The following TENM2 variants were observed in gnomAD, a reference collection of about 807,000 sequenced individuals.
The protein encoded by TENM2 is teneurin transmembrane protein 2.
In TENM2, 52 loss-of-function variants were observed where a neutral mutation model predicts 245.2. The observed-to-expected ratio is 0.21, with a 90% CI of 0.17 to 0.27. TENM2 has a LOEUF of 0.27. Ranked by LOEUF, TENM2 falls within the 10% of genes least tolerant of loss-of-function variation. TENM2 has a pLI of 1.00. For synonymous variants in TENM2, 1,363 were observed against 1,438.9 expected (o/e 0.95, Z 1.19); for missense variants, 3,046 against 3,666.8 (o/e 0.83, Z 4.37).
intron 2 of TENM2, among the ~76,000 whole-genome samples, chr5:167,540,214 A>G (rs1361981624): frequency 1.3e-5 from 2 of 152,178 alleles, no homozygotes; most frequent in Non-Finnish European, 2.9e-5. Context: ...AGTGTCAGGC[A>G]AGGGTCTACT....
intron 2 of TENM2, among the ~76,000 whole-genome samples, chr5:167,409,566 C>T (rs1762803767): frequency 6.6e-6 from 1 of 151,880 alleles, no homozygotes; most frequent in Admixed American, 6.6e-5. Flanking sequence ...AGAAAGGAGA[C>T]TGGAAGCATG....
intron 2 of TENM2, among the ~76,000 whole-genome samples, chr5:167,869,766 C>A (rs1772654614): frequency 6.6e-6 from 1 of 152,096 alleles, no homozygotes; most frequent in Non-Finnish European, 1.5e-5. Flanking sequence ...CAGAACTACA[C>A]AGACCTTGAA....
chr5:167,133,081 C>T, the TENM2 span, among the ~76,000 whole-genome samples: 8 of 152,076 alleles, frequency 5.3e-5, no homozygotes, highest in African/African-American at 1.9e-4. Context: ...GAGCCACTCA[C>T]ACAGCACAAG....
chr5:168,191,960 C>G (rs1761002674), intron 14 of TENM2, among the ~76,000 whole-genome samples: 1 of 152,088 alleles, frequency 6.6e-6, no homozygotes, highest in South Asian at 2.1e-4. Context: ...CTTAGGCCAA[C>G]AACTTTTGCT....
intron 2 of TENM2, among the ~76,000 whole-genome samples, chr5:167,655,168 T>G (rs1754761090): frequency 1.3e-5 from 2 of 152,068 alleles, no homozygotes; most frequent in South Asian, 4.1e-4. Context: ...TACAAAGAAA[T>G]ATCAGAATCA....
At chr5:167,902,881 T>C (rs1417940713) in intron 3 of TENM2, among the ~76,000 whole-genome samples, 1 of 152,216 alleles carries the variant, frequency 6.6e-6, no homozygotes, top group East Asian at 1.9e-4. Context: ...TTTTTACATA[T>C]TATTCTGTAC....
intron 1 of TENM2, among the ~76,000 whole-genome samples, chr5:167,301,884 T>C (rs1323999424): frequency 6.6e-6 from 1 of 151,396 alleles, no homozygotes; most frequent in Non-Finnish European, 1.5e-5. Context: ...GGACCGGGTG[T>C]GAGGAGGGGA....
chr5:168,253,866 C>G (rs1194123249), intron 27 of TENM2, among the ~76,000 whole-genome samples: 3 of 152,228 alleles, frequency 2.0e-5, no homozygotes, highest in Non-Finnish European at 4.4e-5. Context: ...TCCAACCCTG[C>G]TCTGAATGGC....
At chr5:167,644,556 G>A (rs1268866714) in intron 2 of TENM2, among the ~76,000 whole-genome samples, 1 of 152,166 alleles carries the variant, frequency 6.6e-6, no homozygotes, top group Non-Finnish European at 1.5e-5. Flanking sequence ...TTTTGTATCA[G>A]GCACTCTGCT....
At chr5:168,263,177 A>C, downstream of TENM2, 1 of 183,586 alleles carries the variant, frequency 5.4e-6, no homozygotes. Context: ...AAAGAAGAAA[A>C]CAAACAAAAA....
At chr5:167,357,980 AGCGTTC>A (rs781313258) in intron 1 of TENM2, among the ~76,000 whole-genome samples, 15 of 152,184 alleles carry the variant, frequency 9.9e-5, no homozygotes, top group Non-Finnish European at 1.9e-4. Flanking sequence ...TCCCAGGTAA[AGCGTTC>A]ACCTGTGTGC....
At chr5:167,044,896 C>A in the TENM2 span, among the ~76,000 whole-genome samples, 2 of 152,114 alleles carry the variant, frequency 1.3e-5, no homozygotes, top group South Asian at 2.1e-4. Context: ...TAGGCAAAAC[C>A]GAGTGTGGAC....
At chr5:167,570,951 G>C (rs1774228912) in intron 2 of TENM2, among the ~76,000 whole-genome samples, 1 of 152,126 alleles carries the variant, frequency 6.6e-6, no homozygotes, top group Admixed American at 6.5e-5. Context: ...CATGAGTTGA[G>C]TGGTAGAACT....
intron 25 of TENM2, among the ~76,000 whole-genome samples, chr5:168,240,026 T>G (rs780660146): frequency 6.6e-6 from 1 of 152,128 alleles, no homozygotes; most frequent in Non-Finnish European, 1.5e-5. Context: ...GAGACGAGCC[T>G]GACCAACATG....
At chr5:168,080,084 A>G (rs892508825) in intron 7 of TENM2, among the ~76,000 whole-genome samples, 3 of 152,174 alleles carry the variant, frequency 2.0e-5, no homozygotes, top group African/African-American at 7.2e-5. Flanking sequence ...TTGGTAAGCT[A>G]TTAATTATTG....
intron 2 of TENM2, among the ~76,000 whole-genome samples, chr5:167,629,258 A>G (rs1008303745): frequency 9.2e-5 from 14 of 152,196 alleles, no homozygotes; most frequent in African/African-American, 3.4e-4. Flanking sequence ...GATCTGTGAC[A>G]TTAGGTGAAT....
chr5:167,247,953 G>T, the TENM2 span, among the ~76,000 whole-genome samples: 1 of 151,990 alleles, frequency 6.6e-6, no homozygotes, highest in Non-Finnish European at 1.5e-5. Context: ...CAACTGAAAT[G>T]GTGAAATGCT....
intron 2 of TENM2, among the ~76,000 whole-genome samples, chr5:167,463,493 T>C (rs1429781244): frequency 1.6e-5 from 2 of 126,498 alleles, no homozygotes; most frequent in South Asian, 2.7e-4. Flanking sequence ...CTAGAAGATA[T>C]TTATTTTATT....
intron 2 of TENM2, among the ~76,000 whole-genome samples, chr5:167,854,090 T>C (rs1770846420): frequency 6.6e-6 from 1 of 152,246 alleles, no homozygotes; most frequent in Admixed American, 6.5e-5. Context: ...TCCATTTCTT[T>C]TTATTTTAAA....
Sources: gnomAD v4.1 joint callset for allele counts (sites outside exome capture counted in the v4.1 genomes callset) on GRCh38, gnomAD v4.1.1 for gene constraint, MANE v1.5 for transcripts, NCBI Gene and HGNC (gene_info 2026-07-23, HGNC 2026-07-21) for gene names.